MTMR8: variants seen among roughly 807,000 people sequenced by gnomAD.
MTMR8 encodes the protein myotubularin related protein 8.
MTMR8 carries 65 observed loss-of-function variants against 39.3 expected under a neutral mutation model. The observed-to-expected ratio is 1.65, with a 90% confidence interval of 1.35 to 2.03. The LOEUF is 2.03. MTMR8 is among the 30% of genes most tolerant of loss of function. The pLI is 0.00. For synonymous variants in MTMR8, 245 were observed against 185.2 expected (o/e 1.32, Z -2.62); for missense variants, 777 against 538.9 (o/e 1.44, Z -4.37).
At chrX:64,368,291 G>T (rs866824574) in intron 1 of MTMR8, among the ~76,000 whole-genome samples, 1 of 111,574 alleles carries the variant, frequency 9.0e-6, no homozygotes, top group Non-Finnish European at 1.9e-5. Context: ...AAAAGAGCCC[G>T]CATTGCCAAG....
At chrX:64,290,921 A>C (rs1423762245) in intron 12 of MTMR8, among the ~76,000 whole-genome samples, 1 of 111,907 alleles carries the variant, frequency 8.9e-6, no homozygotes, top group Non-Finnish European at 1.9e-5. Context: ...ATAAGTATTC[A>C]TGTAGAGGTT....
chrX:64,331,938 G>C (rs916449474), intron 10 of MTMR8, among the ~76,000 whole-genome samples, 181 bp from the exon 11 acceptor site: 3 of 111,436 alleles, frequency 2.7e-5, no homozygotes, highest in Non-Finnish European at 5.7e-5. Context: ...TTAGCTGCTG[G>C]TGTCCTTCAC....
intron 11 of MTMR8, 39 bp downstream of exon 11, chrX:64,331,518 C>T: frequency 1.7e-6 from 2 of 1,167,264 alleles, no homozygotes; most frequent in Non-Finnish European, 2.3e-6. Flanking sequence ...CACTGACCAC[C>T]TTCTCCCTGT....
intron 8 of MTMR8, among the ~76,000 whole-genome samples, chrX:64,343,068 T>C (rs1923258994): frequency 9.0e-6 from 1 of 111,596 alleles, no homozygotes; most frequent in African/African-American, 3.3e-5. Flanking sequence ...GGCAGATCTA[T>C]ACAAAGAAGT....
At chrX:64,370,880 T>TA (rs1317657154) in intron 1 of MTMR8, among the ~76,000 whole-genome samples, 1 of 111,953 alleles carries the variant, frequency 8.9e-6, no homozygotes, top group African/African-American at 3.2e-5. Flanking sequence ...AGACCAGGTA[T>TA]GGTGGATCAA....
intron 4 of MTMR8, among the ~76,000 whole-genome samples, chrX:64,351,569 C>T (rs952369982): frequency 1.8e-5 from 2 of 110,720 alleles, no homozygotes; most frequent in African/African-American, 6.6e-5. Context: ...AAGGTAAAGT[C>T]CCACAGTAGG....
chrX:64,380,717 T>C (rs1240168110), intron 1 of MTMR8, among the ~76,000 whole-genome samples: 1 of 111,562 alleles, frequency 9.0e-6, no homozygotes, highest in African/African-American at 3.3e-5. Context: ...TAACATTAGG[T>C]ATATCTCCTA....
At chrX:64,296,311 G>C (rs1379082610) in intron 12 of MTMR8, among the ~76,000 whole-genome samples, 1 of 111,331 alleles carries the variant, frequency 9.0e-6, no homozygotes, top group African/African-American at 3.3e-5. Flanking sequence ...AGGGGCTGCT[G>C]GGAGGGGAAA....
chrX:64,329,937 T>C (rs766297383), intron 11 of MTMR8, among the ~76,000 whole-genome samples: 9 of 111,899 alleles, frequency 8.0e-5, no homozygotes, highest in Non-Finnish European at 1.5e-4. Flanking sequence ...CCTTGTGAGA[T>C]ATTTTAGCCC....
intron 1 of MTMR8, among the ~76,000 whole-genome samples, chrX:64,370,565 T>G (rs1924103236): frequency 1.8e-5 from 2 of 111,669 alleles, no homozygotes; most frequent in African/African-American, 6.5e-5. Flanking sequence ...CCTTTTTCCC[T>G]GAAGGCATTT....
intron 12 of MTMR8, among the ~76,000 whole-genome samples, chrX:64,288,493 T>C (rs944887048): frequency 9.9e-5 from 11 of 111,526 alleles, no homozygotes; most frequent in African/African-American, 3.6e-4. Flanking sequence ...AGAAATACCA[T>C]TTGACCCAGC....
chrX:64,354,927 A>T lies in MTMR8; in HGVS notation c.318T>A (p.Pro106=), dbSNP rs1209023484. ...SLLKLSQPAL[P]EDLYAFSYNP... ...TATAAGAAAAAGCATAAAGATCTTC[A>T]GGTAATGCTGGAGAAGAGAGATAGG... The change falls in exon 4 of 14, where the codon CCT becomes CCA. Residue 106 remains proline, a synonymous_variant. Transcript: ENST00000374852. The T allele has an allele frequency of 4.2e-6, 5 of 1,192,362 alleles. No individual in the cohort carries two copies. The highest frequency in any genetic ancestry group is 2.3e-4 in the Middle Eastern group (1 of 4,260).
In MTMR8 at chrX:64,384,275, C is replaced by T. The variant is rs759116632; in HGVS notation, c.24+11065G>A. ...TTGCATTGTTCAGAACCTGCAGCTG[C>T]TCTCACAGGTTGTAGGTGAATGCCT... On this transcript the variant is annotated intron_variant, in intron 1 of 13. Transcript: ENST00000374852. Among the ~76,000 whole-genome samples the T allele has an allele frequency of 2.1e-4, 23 of 111,910 alleles. No individual in the cohort carries two copies. The East Asian group carries it at 6.3e-3, about 31-fold the overall frequency.
intron 8 of MTMR8, among the ~76,000 whole-genome samples, chrX:64,341,344 T>A (rs1418632697): frequency 9.1e-6 from 1 of 110,050 alleles, no homozygotes; most frequent in Non-Finnish European, 1.9e-5. Flanking sequence ...TCAGGCGTGG[T>A]GGCATGCTCC....
rs775687761 is a variant in MTMR8 at position 64,377,298 on chromosome X, C to T, written c.25-17771G>A. 8.0e-5 allele frequency among the ~76,000 whole-genome samples: 9 copies of T among 111,924 alleles called. No individual in the cohort carries two copies. In the South Asian group the frequency reaches 3.0e-3, roughly 37 times the overall value. The stretch of plus-strand genomic sequence containing the variant: ...CCTCCAGACCCCAGAATGGTAGATC[C>T]ACCCACAGCTTGCACTGTGCACCTG... On this transcript the variant is annotated intron_variant, in intron 1 of 13. Coordinates refer to ENST00000374852, the MANE Select transcript of MTMR8 (RefSeq NM_017677.4).
At chrX:64,344,992 C>T in intron 7 of MTMR8, 53 bp downstream of exon 7, 1 of 1,175,568 alleles carries the variant, frequency 8.5e-7, no homozygotes, top group Non-Finnish European at 1.1e-6. Context: ...TTTCTGCTTA[C>T]ATGATAACGC....
chrX:64,338,469 A>G, intron 8 of MTMR8, among the ~76,000 whole-genome samples: 1 of 112,413 alleles, frequency 8.9e-6, no homozygotes, highest in Non-Finnish European at 1.9e-5. Flanking sequence ...GAATGATGTA[A>G]CAGCGTGTAC....
intron 13 of MTMR8, 94 bp downstream of exon 13, chrX:64,270,853 C>T (rs996927278): frequency 9.8e-7 from 1 of 1,016,498 alleles, no homozygotes; most frequent in Admixed American, 3.3e-5. Flanking sequence ...AAAAGCCAGC[C>T]AGTCAGCTTT....
Position 64,375,387 on chromosome X carries a change from G to C in MTMR8, c.25-15860C>G, listed in dbSNP as rs1042731537. On this transcript the variant is annotated intron_variant, in intron 1 of 13. Transcript: ENST00000374852. ...AAAAAAAAGTAAAGGGATGGAGAAA[G>C]ATATACCATGCTTACACTAATCAAA... Among the ~76,000 whole-genome samples, 9 of 110,519 alleles carry C rather than the reference G, an allele frequency of 8.1e-5. No homozygotes were observed. In the Admixed American group the frequency reaches 8.7e-4, roughly 11 times the overall value.
Sources: gnomAD v4.1 joint callset for allele counts (sites outside exome capture counted in the v4.1 genomes callset) on GRCh38, gnomAD v4.1.1 for gene constraint, MANE v1.5 for transcripts, NCBI Gene and HGNC (gene_info 2026-07-23, HGNC 2026-07-21) for gene names.